CNTN4: variants seen among roughly 807,000 people sequenced by gnomAD.
CNTN4 encodes the protein contactin 4.
Under a neutral mutation model 122.5 loss-of-function variants are expected in CNTN4, and 77 were observed. The observed-to-expected ratio is 0.63, with a 90% CI of 0.52 to 0.76. The LOEUF (loss-of-function observed/expected upper bound fraction) is 0.76, where lower values mean the gene tolerates loss of function less well. Ranked by LOEUF, CNTN4 falls within the 30% of genes least tolerant of loss-of-function variation. The pLI, the probability that CNTN4 is intolerant of heterozygous loss-of-function variation, is 0.00. For synonymous variants in CNTN4, 512 were observed against 447.0 expected, an observed-to-expected ratio of 1.15 and a Z score of -1.83; for missense variants, 1,256 against 1,259.1, an observed-to-expected ratio of 1.00 and a Z score of 0.04.
intron 3 of CNTN4, among the ~76,000 whole-genome samples, chr3:2,430,815 T>C (rs2048040816): frequency 6.6e-6 from 1 of 152,140 alleles, no homozygotes; most frequent in Non-Finnish European, 1.5e-5. Flanking sequence ...AGATTTTGTT[T>C]CATCACCCTG....
chr3:2,378,363 G>A (rs1474627224), intron 3 of CNTN4, among the ~76,000 whole-genome samples: 1 of 152,094 alleles, frequency 6.6e-6, no homozygotes, highest in Non-Finnish European at 1.5e-5. Context: ...CTTGTGAGAG[G>A]ACAGTCCTGG....
chr3:2,948,321 G>A (rs1212079084), intron 13 of CNTN4, among the ~76,000 whole-genome samples: 1 of 152,152 alleles, frequency 6.6e-6, no homozygotes, highest in African/African-American at 2.4e-5. Context: ...AGAGCCTAGA[G>A]GAAGGAGGGA....
intron 7 of CNTN4, among the ~76,000 whole-genome samples, chr3:2,839,991 G>C (rs2093318055): frequency 6.6e-6 from 1 of 152,012 alleles, no homozygotes; most frequent in Non-Finnish European, 1.5e-5. Context: ...TGATTTAGAA[G>C]GTCTATGTCT....
chr3:2,554,377 A>C (rs555958273), intron 3 of CNTN4, among the ~76,000 whole-genome samples: 1 of 152,136 alleles, frequency 6.6e-6, no homozygotes, highest in Non-Finnish European at 1.5e-5. Flanking sequence ...CTTAGTCCAC[A>C]TTTCACTTTA....
chr3:2,530,309 C>CT (rs1206246281), intron 3 of CNTN4, among the ~76,000 whole-genome samples: 3,342 of 134,702 alleles, frequency 0.025, 127 homozygotes, highest in African/African-American at 0.065. Context: ...TTCTCCTCTT[C>CT]TTTTTTTTTT....
intron 6 of CNTN4, among the ~76,000 whole-genome samples, chr3:2,777,823 A>G (rs1048183121): frequency 1.3e-5 from 2 of 152,214 alleles, no homozygotes; most frequent in African/African-American, 4.8e-5. Context: ...GAAAGTTTTT[A>G]AAAGATATAT....
At chr3:3,019,599 T>C (rs1698087351) in intron 14 of CNTN4, among the ~76,000 whole-genome samples, 1 of 151,704 alleles carries the variant, frequency 6.6e-6, no homozygotes, top group Non-Finnish European at 1.5e-5. Context: ...CCAGCCAAAA[T>C]ACTCATAAGT....
At chr3:2,547,786 ATTTATC>A (rs1160112922) in intron 3 of CNTN4, among the ~76,000 whole-genome samples, 13 of 152,224 alleles carry the variant, frequency 8.5e-5, no homozygotes, top group Non-Finnish European at 1.5e-5. Flanking sequence ...GTGAATTTTC[ATTTATC>A]TTTAAGTCCA....
intron 2 of CNTN4, among the ~76,000 whole-genome samples, chr3:2,212,036 C>T (rs1425252690): frequency 6.6e-6 from 1 of 152,138 alleles, no homozygotes; most frequent in African/African-American, 2.4e-5. Flanking sequence ...TGCAGTGGCA[C>T]AATCACAGCT....
chr3:2,777,494 C>T (rs989858079), intron 6 of CNTN4, among the ~76,000 whole-genome samples: 1 of 152,196 alleles, frequency 6.6e-6, no homozygotes, highest in African/African-American at 2.4e-5. Flanking sequence ...ACCCATCCAA[C>T]ATCAGGTCAA....
chr3:2,570,364 T>G (rs932872288), intron 3 of CNTN4, among the ~76,000 whole-genome samples: 1 of 151,648 alleles, frequency 6.6e-6, no homozygotes, highest in African/African-American at 2.4e-5. Flanking sequence ...TCCGTAAAGG[T>G]GGGGGTCTCG....
At chr3:2,672,810 A>G (rs2084610959) in intron 4 of CNTN4, among the ~76,000 whole-genome samples, 1 of 152,226 alleles carries the variant, frequency 6.6e-6, no homozygotes, top group African/African-American at 2.4e-5. Context: ...TAACATTGAA[A>G]TTCATTAACT....
chr3:2,559,406 G>A (rs2078852930), intron 3 of CNTN4, among the ~76,000 whole-genome samples: 1 of 152,062 alleles, frequency 6.6e-6, no homozygotes, highest in Admixed American at 6.6e-5. Flanking sequence ...AAGTAGGTAG[G>A]GAAAGGTATA....
intron 2 of CNTN4, among the ~76,000 whole-genome samples, chr3:2,134,881 A>T (rs2125299870): frequency 6.6e-6 from 1 of 152,334 alleles, no homozygotes; most frequent in African/African-American, 2.4e-5. Flanking sequence ...TATGGAGGGC[A>T]ATCTGCTTTA....
chr3:2,642,389 C>A (rs917183411), intron 4 of CNTN4, among the ~76,000 whole-genome samples: 1 of 152,178 alleles, frequency 6.6e-6, no homozygotes, highest in African/African-American at 2.4e-5. Context: ...AAATGTTAAT[C>A]TCCTTTGGCA....
chr3:2,474,464 T>C (rs1039032053), intron 3 of CNTN4, among the ~76,000 whole-genome samples: 1 of 152,238 alleles, frequency 6.6e-6, no homozygotes, highest in African/African-American at 2.4e-5. Flanking sequence ...TTCGCTTTCA[T>C]TATAAAACTA....
intron 6 of CNTN4, among the ~76,000 whole-genome samples, chr3:2,782,555 C>A (rs1423627287): frequency 6.7e-6 from 1 of 149,618 alleles, no homozygotes; most frequent in African/African-American, 2.5e-5. Context: ...AATGGTCCCA[C>A]CTTCCTTATT....
intron 3 of CNTN4, among the ~76,000 whole-genome samples, chr3:2,496,192 G>A (rs570148785): frequency 1.3e-5 from 2 of 152,314 alleles, no homozygotes; most frequent in East Asian, 3.9e-4. Flanking sequence ...TAGTGGCACT[G>A]TAAAATTCTA....
intron 2 of CNTN4, among the ~76,000 whole-genome samples, chr3:2,218,041 A>G (rs2038919637): frequency 6.6e-6 from 1 of 152,168 alleles, no homozygotes; most frequent in African/African-American, 2.4e-5. Context: ...TCTGAGTTTC[A>G]CAGGATGAGA....
Sources: allele counts gnomAD v4.1 joint callset (sites outside exome capture counted in the v4.1 genomes callset), GRCh38; gene constraint gnomAD v4.1.1; transcripts MANE v1.5; gene names NCBI Gene and HGNC (gene_info 2026-07-23, HGNC 2026-07-21).